Variants in SLC4A4 observed in about 807,000 individuals in gnomAD.
The protein encoded by SLC4A4 is solute carrier family 4 member 4, also known as electrogenic sodium bicarbonate cotransporter 1.
In SLC4A4, 27 loss-of-function variants were observed where a neutral mutation model predicts 111.5. The ratio of observed to expected loss-of-function variants is 0.24; its 90% CI spans 0.18 to 0.33. SLC4A4 has a LOEUF of 0.33. SLC4A4 is among the 10% of genes least tolerant of loss of function. The pLI is 1.00. For synonymous variants in SLC4A4, 443 were observed against 463.4 expected (o/e 0.96, Z 0.57); for missense variants, 909 against 1,315.5 (o/e 0.69, Z 4.78).
At chr4:71,320,128 C>CCCTT (rs1189766411) in intron 3 of SLC4A4, among the ~76,000 whole-genome samples, 1 of 152,002 alleles carries the variant, frequency 6.6e-6, no homozygotes, top group Non-Finnish European at 1.5e-5. Context: ...TGGGAACAAT[C>CCCTT]CCTTCCCCTT....
intron 2 of SLC4A4, among the ~76,000 whole-genome samples, chr4:71,126,844 A>G (rs759750814): frequency 2.0e-5 from 3 of 152,154 alleles, no homozygotes; most frequent in Non-Finnish European, 4.4e-5. Context: ...CCACTTCCAC[A>G]TACTTTTGGT....
At chr4:71,365,848 A>C (rs1165295825) in intron 6 of SLC4A4, among the ~76,000 whole-genome samples, 1 of 152,242 alleles carries the variant, frequency 6.6e-6, no homozygotes. Context: ...CCTGAAAGTC[A>C]GAAATATAAA....
At chr4:71,174,408 G>C (rs188012867) in intron 2 of SLC4A4, among the ~76,000 whole-genome samples, 1 of 151,826 alleles carries the variant, frequency 6.6e-6, no homozygotes, top group African/African-American at 2.4e-5. Context: ...GCACCACTAC[G>C]CCCAGCTAAT....
At chr4:71,154,483 G>A (rs1744406082) in intron 2 of SLC4A4, among the ~76,000 whole-genome samples, 1 of 152,176 alleles carries the variant, frequency 6.6e-6, no homozygotes, top group African/African-American at 2.4e-5. Context: ...GAAGATGCTT[G>A]AATAGGATAG....
chr4:71,178,519 G>A (rs1366997619), intron 2 of SLC4A4, among the ~76,000 whole-genome samples: 1 of 152,018 alleles, frequency 6.6e-6, no homozygotes, highest in East Asian at 1.9e-4. Flanking sequence ...AATGATAAAG[G>A]GGATATCACC....
chr4:71,567,085 TA>T lies in SLC4A4; in HGVS notation c.*36+5del, dbSNP rs1737548880. On this transcript the variant is annotated splice_donor_region_variant and intron_variant, in intron 25 of 25. Coordinates refer to ENST00000264485, the MANE Select transcript of SLC4A4 (RefSeq NM_001098484.3). Reference sequence around the variant, plus strand: ...CCTTCAGTCACTCGGTATGCCAAGGTAAAGGAGAGCCCAGTATTTTATGTTT... The same window carrying T: ...CCTTCAGTCACTCGGTATGCCAAGGTAAGGAGAGCCCAGTATTTTATGTTT... 1.2e-6 allele frequency: 2 copies of T among 1,605,266 alleles called. No homozygotes were observed. The highest frequency in any genetic ancestry group is 1.3e-5 in the African/African-American group (1 of 74,586).
intron 1 of SLC4A4, among the ~76,000 whole-genome samples, chr4:71,065,320 A>G (rs1741488678): frequency 6.8e-6 from 1 of 147,184 alleles, no homozygotes; most frequent in African/African-American, 2.4e-5. Flanking sequence ...GGTAGGGGGT[A>G]TTTTGCCCAT....
chr4:71,542,665 C>G (rs1359991782), intron 18 of SLC4A4, among the ~76,000 whole-genome samples: 1 of 152,020 alleles, frequency 6.6e-6, no homozygotes, highest in Non-Finnish European at 1.5e-5. Flanking sequence ...AAATACTACC[C>G]CCATGCAAAC....
chr4:71,545,418 C>T (rs775473147), intron 18 of SLC4A4, among the ~76,000 whole-genome samples: 14 of 152,040 alleles, frequency 9.2e-5, no homozygotes, highest in Non-Finnish European at 2.1e-4. Flanking sequence ...TGGCTCTTGG[C>T]ACTGCTGCTT....
At chr4:71,250,427 G>C (rs2149054787) in intron 2 of SLC4A4, among the ~76,000 whole-genome samples, 2 of 152,274 alleles carry the variant, frequency 1.3e-5, no homozygotes, top group South Asian at 4.1e-4. Context: ...TGTTTAATTA[G>C]AGATGTATGT....
intron 3 of SLC4A4, among the ~76,000 whole-genome samples, chr4:71,319,060 G>A (rs1726919908): frequency 6.6e-6 from 1 of 151,864 alleles, no homozygotes; most frequent in Admixed American, 6.6e-5. Flanking sequence ...TGCTGATTCT[G>A]TTTTGTTTTT....
At chr4:71,293,086 C>T (rs1481246174) in intron 3 of SLC4A4, among the ~76,000 whole-genome samples, 1 of 150,246 alleles carries the variant, frequency 6.7e-6, no homozygotes, top group African/African-American at 2.4e-5. Flanking sequence ...TGTGATCCAC[C>T]CGCTTCGGCC....
intron 2 of SLC4A4, among the ~76,000 whole-genome samples, chr4:71,159,019 TA>T (rs1380480598): frequency 3.3e-5 from 5 of 152,152 alleles, no homozygotes; most frequent in South Asian, 2.1e-4. Context: ...TGTTGTTTAT[TA>T]AAAAATAAAA....
chr4:71,561,067 C>T (rs1736937162), intron 23 of SLC4A4, among the ~76,000 whole-genome samples: 1 of 151,640 alleles, frequency 6.6e-6, no homozygotes, highest in Non-Finnish European at 1.5e-5. Context: ...TAATGTTTTC[C>T]ATTTGAAAAT....
chr4:71,568,093 C>T lies in SLC4A4; in HGVS notation c.*342C>T. ...CCTTAAAAACAGCATCTGAGGAATC[C>T]CCCTTTTGTTCTTAAACTTTCAGAT... On this transcript the variant is annotated 3_prime_UTR_variant, in exon 26 of 26. Transcript: ENST00000264485. The T allele has an allele frequency of 2.1e-6, 1 of 470,580 alleles. No homozygotes were observed. The highest frequency in any genetic ancestry group is 3.8e-6 in the Non-Finnish European group (1 of 266,094). 29.2% of individuals were successfully genotyped at this position (470,580 alleles called of 1,614,324 possible).
intron 5 of SLC4A4, among the ~76,000 whole-genome samples, chr4:71,351,151 C>T (rs1265988028): frequency 1.3e-5 from 2 of 152,214 alleles, no homozygotes; most frequent in East Asian, 3.8e-4. Context: ...CTGCCCTGCA[C>T]CATGAGGTTC....
At chr4:71,204,527 C>CT (rs1717627647) in intron 1 of SLC4A4, among the ~76,000 whole-genome samples, 1 of 152,108 alleles carries the variant, frequency 6.6e-6, no homozygotes, top group Non-Finnish European at 1.5e-5. Context: ...TTTCATCTTA[C>CT]TTTTGCCTGT....
chr4:71,238,377 G>A (rs925354043), intron 2 of SLC4A4, among the ~76,000 whole-genome samples: 3 of 152,126 alleles, frequency 2.0e-5, no homozygotes, highest in East Asian at 1.9e-4. Flanking sequence ...AAATTAAGAC[G>A]ACAATATAAA....
intron 1 of SLC4A4, among the ~76,000 whole-genome samples, chr4:71,212,220 A>G (rs1374701318): frequency 1.3e-5 from 2 of 152,170 alleles, no homozygotes; most frequent in Non-Finnish European, 2.9e-5. Context: ...CTTTATCTCT[A>G]TTGTTACTAT....
Sources: gnomAD v4.1 joint callset for allele counts (sites outside exome capture counted in the v4.1 genomes callset) on GRCh38, gnomAD v4.1.1 for gene constraint, MANE v1.5 for transcripts, NCBI Gene and HGNC (gene_info 2026-07-23, HGNC 2026-07-21) for gene names.